The following MAGI2 variants were observed in gnomAD, a reference collection of about 807,000 sequenced individuals.
MAGI2 encodes the protein membrane associated guanylate kinase, WW and PDZ domain containing 2.
A neutral mutation model predicts 133.3 loss-of-function variants in MAGI2; 35 were observed. The ratio of observed to expected loss-of-function variants is 0.26; its 90% CI spans 0.20 to 0.35. The LOEUF (loss-of-function observed/expected upper bound fraction) is 0.35, where lower values mean the gene tolerates loss of function less well. Among genes scored for constraint, MAGI2 ranks in the 10% least tolerant of loss-of-function variants. The pLI is 1.00. For missense variants in MAGI2, 1,636 were observed against 1,863.4 expected, an observed-to-expected ratio of 0.88 and a Z score of 2.25; for synonymous variants, 729 against 710.6, an observed-to-expected ratio of 1.03 and a Z score of -0.41.
chr7:78,900,051 T>A (rs1797504369), intron 2 of MAGI2, among the ~76,000 whole-genome samples: 1 of 152,172 alleles, frequency 6.6e-6, no homozygotes, highest in Non-Finnish European at 1.5e-5. Context: ...AAATCCTTTC[T>A]AAGCTTATTT....
chr7:78,980,798 T>A (rs1804715820), intron 2 of MAGI2, among the ~76,000 whole-genome samples: 1 of 151,802 alleles, frequency 6.6e-6, no homozygotes, highest in Admixed American at 6.6e-5. Flanking sequence ...TTTTTAAATA[T>A]TGGAGTATAT....
intron 1 of MAGI2, among the ~76,000 whole-genome samples, chr7:79,182,134 G>A (rs990641455): frequency 6.6e-5 from 10 of 151,952 alleles, no homozygotes; most frequent in Admixed American, 1.3e-4. Flanking sequence ...TTTCAAAGTT[G>A]CTTCCATGTT....
At chr7:79,151,327 A>G (rs118096767) in intron 1 of MAGI2, among the ~76,000 whole-genome samples, 66 of 152,320 alleles carry the variant, frequency 4.3e-4, no homozygotes, top group East Asian at 1.9e-3. Flanking sequence ...ATATCAAAAG[A>G]TGAACAATCT....
intron 1 of MAGI2, among the ~76,000 whole-genome samples, chr7:79,286,892 T>G (rs569360493): frequency 6.6e-6 from 1 of 152,256 alleles, no homozygotes; most frequent in East Asian, 1.9e-4. Flanking sequence ...AGTGCTATTT[T>G]GTTATATGCA....
intron 6 of MAGI2, among the ~76,000 whole-genome samples, chr7:78,428,759 A>G (rs1344945819): frequency 6.6e-6 from 1 of 152,062 alleles, no homozygotes; most frequent in African/African-American, 2.4e-5. Context: ...TCACACGTAT[A>G]TTTCTCTTCC....
At chr7:78,409,120 CCTTT>C (rs1797640735) in intron 6 of MAGI2, among the ~76,000 whole-genome samples, 1 of 151,996 alleles carries the variant, frequency 6.6e-6, no homozygotes, top group Non-Finnish European at 1.5e-5. Context: ...TTGCATAGCA[CCTTT>C]CTATCACAAT....
chr7:78,768,664 C>T lies in MAGI2; in HGVS notation c.419-141425G>A, dbSNP rs184634534. Among the ~76,000 whole-genome samples the T allele has an allele frequency of 1.7e-3, 259 of 152,244 alleles. 2 individuals are homozygous for T. The highest frequency in any genetic ancestry group is 6.1e-3 in the African/African-American group (254 of 41,534). On this transcript the variant is annotated intron_variant, in intron 2 of 21. Transcript: ENST00000354212. ...AGTATTGTACTCAAGTCTTTCTTGT[C>T]CTAGTGTGGAGATGACTCCATGTCA...
At chr7:78,907,302 G>C (rs970606841) in intron 2 of MAGI2, among the ~76,000 whole-genome samples, 11 of 152,134 alleles carry the variant, frequency 7.2e-5, no homozygotes, top group Admixed American at 7.2e-4. Flanking sequence ...CTTCTGTTGG[G>C]CTTAAGGTAG....
intron 1 of MAGI2, among the ~76,000 whole-genome samples, chr7:79,397,035 T>G (rs1845110868): frequency 6.6e-6 from 1 of 151,852 alleles, no homozygotes; most frequent in South Asian, 2.1e-4. Flanking sequence ...TTTTTCTTAC[T>G]TTTCCAATAA....
intron 1 of MAGI2, among the ~76,000 whole-genome samples, chr7:79,426,216 A>C (rs184629231): frequency 9.9e-5 from 15 of 152,282 alleles, no homozygotes; most frequent in Admixed American, 7.2e-4. Flanking sequence ...GCATTCAGAC[A>C]ATTTGGTTGA....
chr7:78,934,473 T>C lies in MAGI2; in HGVS notation c.418+72617A>G, dbSNP rs183111633. ...CTGTAAGTACTTATGTGTGAATAAA[T>C]GTAAGAAAATGATTGCTTATCATTG... On this transcript the variant is annotated intron_variant, in intron 2 of 21. Coordinates refer to ENST00000354212, the MANE Select transcript of MAGI2 (RefSeq NM_012301.4). Among the ~76,000 whole-genome samples the C allele has an allele frequency of 7.9e-5, 12 of 152,232 alleles. No homozygotes were observed. The East Asian group carries it at 2.3e-3, about 29-fold the overall frequency.
intron 2 of MAGI2, among the ~76,000 whole-genome samples, chr7:78,896,595 T>A (rs1797232901): frequency 6.6e-6 from 1 of 150,716 alleles, no homozygotes; most frequent in African/African-American, 2.4e-5. Flanking sequence ...TGAGACAGAG[T>A]CTCACTCTGT....
intron 6 of MAGI2, among the ~76,000 whole-genome samples, chr7:78,463,870 AT>A (rs1201431838): frequency 6.6e-6 from 1 of 152,184 alleles, no homozygotes; most frequent in East Asian, 1.9e-4. Flanking sequence ...AATGTTTGCT[AT>A]AGATAATAGG....
chr7:78,277,286 T>C (rs1318146536), intron 9 of MAGI2, among the ~76,000 whole-genome samples: 1 of 152,196 alleles, frequency 6.6e-6, no homozygotes, highest in Non-Finnish European at 1.5e-5. Flanking sequence ...TCCCATTTAA[T>C]ACTTCAGTGA....
At chr7:79,025,174 TA>T (rs5885108) in intron 1 of MAGI2, among the ~76,000 whole-genome samples, 43 of 152,014 alleles carry the variant, frequency 2.8e-4, no homozygotes, top group African/African-American at 9.7e-4. Context: ...CATGCAGCCA[TA>T]AAAAAATGAG....
In MAGI2 at chr7:78,624,775, G is replaced by A. The variant is rs1275293355; in HGVS notation, c.538+2345C>T. Among the ~76,000 whole-genome samples, 17 of 151,878 alleles carry A rather than the reference G, an allele frequency of 1.1e-4. No homozygotes were observed. In the East Asian group the frequency reaches 1.5e-3, roughly 14 times the overall value. On this transcript the variant is annotated intron_variant, in intron 3 of 21. Transcript: ENST00000354212. ...TATTTACCTACGTAACTTAAAAGTCGAAGAAGAAAAAAAAGTATAGCACAT... is the reference window on the plus strand; with the variant it reads ...TATTTACCTACGTAACTTAAAAGTCAAAGAAGAAAAAAAAGTATAGCACAT...
chr7:79,134,511 T>C (rs1220510153), intron 1 of MAGI2, among the ~76,000 whole-genome samples: 4 of 152,180 alleles, frequency 2.6e-5, no homozygotes, highest in Admixed American at 2.0e-4. Flanking sequence ...GAAAGCCTCA[T>C]AGTCCATCAT....
intron 2 of MAGI2, among the ~76,000 whole-genome samples, chr7:78,675,266 T>C (rs2151082290): frequency 6.6e-6 from 1 of 151,890 alleles, no homozygotes; most frequent in East Asian, 1.9e-4. Flanking sequence ...GTTGTTGTTG[T>C]TGTTGTTGTT....
At chr7:79,313,708 C>G (rs1585533893) in intron 1 of MAGI2, among the ~76,000 whole-genome samples, 1 of 151,900 alleles carries the variant, frequency 6.6e-6, no homozygotes, top group Admixed American at 6.6e-5. Context: ...TTTTGAAATT[C>G]TTCAAATCAA....
Sources: allele counts gnomAD v4.1 joint callset (sites outside exome capture counted in the v4.1 genomes callset), GRCh38; gene constraint gnomAD v4.1.1; transcripts MANE v1.5; gene names NCBI Gene and HGNC (gene_info 2026-07-23, HGNC 2026-07-21).